NDST3: variants seen among roughly 807,000 people sequenced by gnomAD.
NDST3 encodes the protein bifunctional heparan sulfate N-deacetylase/N-sulfotransferase 3.
In NDST3, 58 loss-of-function variants were observed where a neutral mutation model predicts 96.1. The observed-to-expected ratio is 0.60, with a 90% CI of 0.49 to 0.75. The LOEUF is 0.75. Among genes scored for constraint, NDST3 ranks in the 30% least tolerant of loss-of-function variants. NDST3 has a pLI of 0.00. For missense variants in NDST3, 788 were observed against 1,034.2 expected (o/e 0.76, Z 3.27); for synonymous variants, 333 against 359.7 (o/e 0.93, Z 0.84).
chr4:118,212,369 T>C (rs1256468814), intron 6 of NDST3, among the ~76,000 whole-genome samples: 1 of 151,970 alleles, frequency 6.6e-6, no homozygotes, highest in African/African-American at 2.4e-5. Flanking sequence ...CGAAACCCCA[T>C]TTCTACAAAA....
chr4:118,039,023 G>A (rs1724301144), intron 1 of NDST3, among the ~76,000 whole-genome samples: 1 of 152,176 alleles, frequency 6.6e-6, no homozygotes, highest in Non-Finnish European at 1.5e-5. Flanking sequence ...CTTTCACTAT[G>A]TTATGGAATT....
At chr4:118,125,361 T>C (rs1052563755) in intron 4 of NDST3, among the ~76,000 whole-genome samples, 1 of 151,952 alleles carries the variant, frequency 6.6e-6, no homozygotes, top group Non-Finnish European at 1.5e-5. Context: ...TTAAAACAAA[T>C]CTACTAAAAA....
chr4:118,061,586 A>G (rs1324731745), intron 2 of NDST3, among the ~76,000 whole-genome samples: 1 of 152,148 alleles, frequency 6.6e-6, no homozygotes, highest in African/African-American at 2.4e-5. Context: ...TTACTAATTT[A>G]TTAGGTTGGT....
At chr4:118,164,115 G>C (rs1163425212) in intron 6 of NDST3, among the ~76,000 whole-genome samples, 1 of 152,124 alleles carries the variant, frequency 6.6e-6, no homozygotes, top group African/African-American at 2.4e-5. Context: ...TGGTAGGCTG[G>C]ATAAAGAAAA....
At chr4:118,223,218 A>G (rs1259437263) in intron 6 of NDST3, among the ~76,000 whole-genome samples, 1 of 152,020 alleles carries the variant, frequency 6.6e-6, no homozygotes, top group Admixed American at 6.6e-5. Context: ...AATGATTTTC[A>G]TAAGTTTCTC....
chr4:118,128,063 A>G (rs1480629213), intron 4 of NDST3, among the ~76,000 whole-genome samples: 1 of 152,050 alleles, frequency 6.6e-6, no homozygotes, highest in Non-Finnish European at 1.5e-5. Flanking sequence ...GAATTTGTTT[A>G]TCAGTTCTAA....
intron 2 of NDST3, among the ~76,000 whole-genome samples, chr4:118,058,201 A>T (rs1159169849): frequency 6.6e-6 from 1 of 152,046 alleles, no homozygotes; most frequent in Non-Finnish European, 1.5e-5. Context: ...AGGAGAGTGC[A>T]AGACATAAAT....
At chr4:118,043,302 G>A (rs1724576022) in intron 1 of NDST3, among the ~76,000 whole-genome samples, 2 of 152,254 alleles carry the variant, frequency 1.3e-5, no homozygotes, top group East Asian at 1.9e-4. Flanking sequence ...TAACCTACAG[G>A]TGTAAGATGC....
chr4:118,058,988 G>A (rs577049735), intron 2 of NDST3, among the ~76,000 whole-genome samples: 1 of 152,152 alleles, frequency 6.6e-6, no homozygotes, highest in South Asian at 2.1e-4. Flanking sequence ...TTCTGGAGAA[G>A]GTGGTCTTTC....
chr4:118,109,820 G>A (rs2125857880), intron 3 of NDST3, among the ~76,000 whole-genome samples: 1 of 152,190 alleles, frequency 6.6e-6, no homozygotes, highest in South Asian at 2.1e-4. Flanking sequence ...GTCTTGAAGG[G>A]AAAAAGAAAA....
At chr4:118,150,256 T>C (rs576382555) in intron 6 of NDST3, among the ~76,000 whole-genome samples, 80 of 152,318 alleles carry the variant, frequency 5.3e-4, no homozygotes, top group Non-Finnish European at 8.5e-4. Flanking sequence ...GGTATCAGCA[T>C]GATGCTGGCC....
At chr4:118,099,370 G>A (rs1207339473) in intron 2 of NDST3, among the ~76,000 whole-genome samples, 2 of 152,174 alleles carry the variant, frequency 1.3e-5, no homozygotes, top group East Asian at 3.9e-4. Context: ...ACTCCTCACT[G>A]TACTTAGCAA....
chr4:118,146,089 T>C (rs1387695434), intron 6 of NDST3, among the ~76,000 whole-genome samples: 1 of 152,206 alleles, frequency 6.6e-6, no homozygotes, highest in Non-Finnish European at 1.5e-5. Context: ...AAGTTTGTAT[T>C]GAAACTAAGG....
intron 6 of NDST3, among the ~76,000 whole-genome samples, chr4:118,146,544 C>T (rs1178797756): frequency 6.6e-6 from 1 of 151,698 alleles, no homozygotes; most frequent in African/African-American, 2.4e-5. Flanking sequence ...GGAAAGATCA[C>T]AGCAAAGGTA....
intron 6 of NDST3, among the ~76,000 whole-genome samples, chr4:118,152,860 C>A (rs1301393137): frequency 6.6e-6 from 1 of 152,314 alleles, no homozygotes; most frequent in East Asian, 1.9e-4. Flanking sequence ...CTGACTGCCT[C>A]GTCCGCTGGA....
chr4:118,054,601 C>G lies in NDST3; in HGVS notation c.691C>G (p.Gln231Glu). 1 of 1,613,284 alleles carries G rather than the reference C, an allele frequency of 6.2e-7. No individual in the cohort carries two copies. The highest frequency in any genetic ancestry group is 8.5e-7 in the Non-Finnish European group (1 of 1,179,474). Residue 231 changes from glutamine to glutamate, a missense_variant, in exon 2 of 14, where the codon CAA becomes GAA. By Grantham distance (29) the Gln-to-Glu change is conservative. Coordinates refer to ENST00000296499, the MANE Select transcript of NDST3 (RefSeq NM_004784.3). ...TVFQINHSAY[Q>E]PVIFAKVKTP... ...TTTTCAGATTAATCATTCAGCCTAT[C>G]AACCAGTAATATTTGCCAAAGTAAA...
rs1388559825 is a variant in NDST3, at chr4:118,253,746, G to A, written c.2502+145G>A. ...ATTTCAATTTCAGTACAGGTAGGTTGCTTATTTTGATTTACCCACAATATA... is the reference window on the plus strand; with the variant it reads ...ATTTCAATTTCAGTACAGGTAGGTTACTTATTTTGATTTACCCACAATATA... On this transcript the variant is annotated intron_variant, in intron 13 of 13. Transcript: ENST00000296499. 1.6e-5 allele frequency: 9 copies of A among 552,404 alleles called. No individual in the cohort carries two copies. In the East Asian group the frequency reaches 2.3e-4, roughly 14 times the overall value. 34.2% of individuals were successfully genotyped at this position (552,404 alleles called of 1,614,324 possible). A position where few individuals can be genotyped will look rare whatever the true frequency, so the allele number is the denominator to read the frequency against.
intron 4 of NDST3, among the ~76,000 whole-genome samples, chr4:118,115,699 A>G (rs990793650): frequency 1.3e-5 from 2 of 152,212 alleles, no homozygotes; most frequent in Non-Finnish European, 2.9e-5. Flanking sequence ...GCTTGTGATC[A>G]GAGAGAGTAC....
intron 6 of NDST3, among the ~76,000 whole-genome samples, chr4:118,163,878 A>C (rs1010115875): frequency 2.0e-5 from 3 of 152,184 alleles, no homozygotes; most frequent in African/African-American, 7.2e-5. Context: ...GAGAAAAGGG[A>C]ATGCTTGTAC....
Sources: allele counts gnomAD v4.1 joint callset (sites outside exome capture counted in the v4.1 genomes callset), GRCh38; gene constraint gnomAD v4.1.1; transcripts MANE v1.5; gene names NCBI Gene and HGNC (gene_info 2026-07-23, HGNC 2026-07-21).